The following ESPNL variants were observed in gnomAD, a reference collection of about 807,000 sequenced individuals.
ESPNL encodes espin-like protein.
In ESPNL, 49 loss-of-function variants were observed where a neutral mutation model predicts 46.8. That is an observed-to-expected ratio of 1.05 (90% CI 0.83 to 1.33). The LOEUF (loss-of-function observed/expected upper bound fraction) is 1.33, where lower values mean the gene tolerates loss of function less well. Ranked by LOEUF, ESPNL falls within the 40% of genes most tolerant of loss-of-function variation. ESPNL has a pLI of 0.00. For synonymous variants in ESPNL, 664 were observed against 662.1 expected, an observed-to-expected ratio of 1.00 and a Z score of -0.04; for missense variants, 1,540 against 1,436.6, an observed-to-expected ratio of 1.07 and a Z score of -1.16.
At chr2:238,126,080 CTGTG>C (rs1384721767) in intron 6 of ESPNL, among the ~76,000 whole-genome samples, 2 of 148,710 alleles carry the variant, frequency 1.3e-5, no homozygotes, top group Non-Finnish European at 3.0e-5. Flanking sequence ...TCATGTGTGT[CTGTG>C]TGTGACTATG....
intron 5 of ESPNL, among the ~76,000 whole-genome samples, chr2:238,120,389 G>T (rs1691959494): frequency 6.6e-6 from 1 of 152,184 alleles, no homozygotes; most frequent in South Asian, 2.1e-4. Flanking sequence ...TGGCACAAGG[G>T]AACAGCCCCG....
chr2:238,107,691 G>C, intron 3 of ESPNL, 100 bp from the exon 4 acceptor site: 2 of 1,228,422 alleles, frequency 1.6e-6, no homozygotes, highest in Non-Finnish European at 2.3e-6. Flanking sequence ...GCCCCGAGAG[G>C]TACAGCCAGA....
intron 4 of ESPNL, among the ~76,000 whole-genome samples, chr2:238,113,158 T>C (rs1691748013): frequency 6.6e-6 from 1 of 152,232 alleles, no homozygotes; most frequent in African/African-American, 2.4e-5. Flanking sequence ...TTTTATCTGA[T>C]ATATGTATAC....
rs761111040 is a variant in ESPNL, at chr2:238,130,285, A to G, written c.1571A>G (p.Gln524Arg). The change falls in exon 9 of 9, where the codon CAG (glutamine) becomes CGG (arginine). Residue 524 changes from glutamine to arginine, a missense_variant. Transcript: ENST00000343063. The part of the protein sequence containing the change: ...IADLQLRRRC[Q>R]EYESELGRLA... ...GACCTGCAGCTTCGGCGCCGCTGTC[A>G]GGAGTATGAGAGTGAGCTGGGCCGG... The G allele has an allele frequency of 2.5e-5, 40 of 1,607,466 alleles. No individual in the cohort carries two copies. Among genetic ancestry groups the G allele is most frequent in the Non-Finnish European group, 3.4e-5 (40 of 1,177,590 alleles).
At chr2:238,119,541 TGG>T in intron 5 of ESPNL, among the ~76,000 whole-genome samples, 1 of 101,470 alleles carries the variant, frequency 9.9e-6, no homozygotes, top group African/African-American at 4.5e-5. Flanking sequence ...AGGAGGTGGA[TGG>T]AGGAGGTGGA....
intron 1 of ESPNL, among the ~76,000 whole-genome samples, chr2:238,101,279 C>T (rs1051533547): frequency 2.1e-3 from 120 of 56,858 alleles, no homozygotes; most frequent in African/African-American, 0.02. Context: ...CTTAGAACGC[C>T]GCCGCCCAGA....
At chr2:238,105,593 G>A (rs550847676) in intron 3 of ESPNL, among the ~76,000 whole-genome samples, 1 of 152,124 alleles carries the variant, frequency 6.6e-6, no homozygotes, top group South Asian at 2.1e-4. Context: ...TGGACAGGAG[G>A]CGGCCGGACA....
At chr2:238,124,671 A>G (rs1472957606) in intron 5 of ESPNL, among the ~76,000 whole-genome samples, 11 of 123,192 alleles carry the variant, frequency 8.9e-5, no homozygotes, top group Admixed American at 3.7e-4. Flanking sequence ...GAGAGTGTAC[A>G]TGTGTGTGTG....
intron 5 of ESPNL, among the ~76,000 whole-genome samples, chr2:238,123,415 A>G (rs1392842501): frequency 2.0e-5 from 3 of 151,756 alleles, no homozygotes; most frequent in Admixed American, 1.3e-4. Context: ...CTGAGCCTCA[A>G]TTTCCCCATC....
intron 1 of ESPNL, 119 bp downstream of exon 1, chr2:238,100,832 T>C: frequency 1.1e-6 from 1 of 876,010 alleles, no homozygotes; most frequent in Non-Finnish European, 1.6e-6. Context: ...GGGCCCTTTG[T>C]TTCTCTTGGG....
In ESPNL at chr2:238,100,414, C is replaced by T. The variant is rs751027867; in HGVS notation, c.-6C>T. 3 of 1,594,284 alleles carry T rather than the reference C, an allele frequency of 1.9e-6. No individual in the cohort carries two copies. In the African/African-American group the frequency reaches 4.1e-5, roughly 22 times the overall value. ...ATGAGTCGCCACTGAGAGCCCGGGC[C>T]AGAGGATGGAGAAGCAGCGGGCACT... On this transcript the variant is annotated 5_prime_UTR_variant, in exon 1 of 9. Transcript: ENST00000343063.
chr2:238,116,843 A>G (rs1574735107), intron 4 of ESPNL, 60 bp from the exon 5 acceptor site: 3 of 1,589,188 alleles, frequency 1.9e-6, no homozygotes, highest in Non-Finnish European at 2.6e-6. Flanking sequence ...GCACAGGGCC[A>G]GTCCCATGGG....
At chr2:238,100,814 A>G (rs900314562) in intron 1 of ESPNL, 101 bp downstream of exon 1, 18 of 1,051,634 alleles carry the variant, frequency 1.7e-5, no homozygotes, top group African/African-American at 8.4e-5. Context: ...CCCGGGCTCC[A>G]TGGCCCTGGG....
intron 4 of ESPNL, among the ~76,000 whole-genome samples, chr2:238,115,107 GGA>G (rs1691788828): frequency 6.6e-6 from 1 of 152,214 alleles, no homozygotes; most frequent in Non-Finnish European, 1.5e-5. Context: ...TGGCGGTTCT[GGA>G]GCTGATCTTG....
chr2:238,116,834 C>T, intron 4 of ESPNL, 69 bp from the exon 5 acceptor site: 1 of 1,567,034 alleles, frequency 6.4e-7, no homozygotes, highest in Non-Finnish European at 8.7e-7. Flanking sequence ...GAGCGGCCCG[C>T]ACAGGGCCAG....
At chr2:238,118,842 A>T (rs1197572205) in intron 5 of ESPNL, among the ~76,000 whole-genome samples, 55 of 99,878 alleles carry the variant, frequency 5.5e-4, no homozygotes, top group African/African-American at 9.1e-4. Context: ...GGAGGGTGGA[A>T]GGAAGAGGGT....
At position 238,127,604 on chromosome 2, in the gene ESPNL, C is replaced by T; in HGVS notation, c.1103-18C>T. 1.4e-5 allele frequency: 22 copies of T among 1,584,614 alleles called. No individual in the cohort carries two copies. The highest frequency in any genetic ancestry group is 1.8e-5 in the Non-Finnish European group (21 of 1,165,440). On this transcript the variant is annotated intron_variant, in intron 6 of 8. Transcript: ENST00000343063. ...CCAGCCCTTGCCCTTTCTGCAACAC[C>T]CTTCTTCTTCTTGGCAGCCATGTCC...
chr2:238,127,624 A>G lies in ESPNL; in HGVS notation c.1105A>G (p.Met369Val), dbSNP rs1692169343. ...AACACCCTTCTTCTTCTTGGCAGCCATGTCCCTCAGCCCGGCCTGGCCTGG... is the reference window on the plus strand; with the variant it reads ...AACACCCTTCTTCTTCTTGGCAGCCGTGTCCCTCAGCCCGGCCTGGCCTGG... ...GGPGPGNPSP[M>V]SLSPAWPGHP... The change falls in exon 7 of 9, where the codon ATG becomes GTG. Residue 369 changes from methionine (M) to valine (V), a missense_variant and splice_region_variant. Physicochemically the swap from Met to Val is conservative, Grantham distance 21. Coordinates refer to ENST00000343063, the MANE Select transcript of ESPNL (RefSeq NM_194312.4). The G allele has an allele frequency of 1.2e-6, 2 of 1,604,226 alleles. No individual in the cohort carries two copies. Among genetic ancestry groups the G allele is most frequent in the African/African-American group, 1.3e-5 (1 of 74,690 alleles).
In ESPNL at chr2:238,100,463, T is replaced by C. The variant is rs1252522524; in HGVS notation, c.44T>C (p.Val15Ala). The C allele has an allele frequency of 1.2e-6, 2 of 1,605,248 alleles. No homozygotes were observed. Among genetic ancestry groups the C allele is most frequent in the Admixed American group, 1.7e-5 (1 of 59,016 alleles). ...CTCGTGGCCGCCAAGGATGGGGATG[T>C]GGCGACGTTGGAGCGGCTGCTGGAG... ...RALVAAKDGD[V>A]ATLERLLEAG... is the part of the protein sequence containing the mutation. Residue 15 changes from valine (V) to alanine (A), a missense_variant, in exon 1 of 9, where the codon GTG becomes GCG. Physicochemically the swap from Val to Ala is moderately conservative, Grantham distance 64. Transcript: ENST00000343063.
Sources: gnomAD v4.1 joint callset for allele counts (sites outside exome capture counted in the v4.1 genomes callset) on GRCh38, gnomAD v4.1.1 for gene constraint, MANE v1.5 for transcripts, NCBI Gene and HGNC (gene_info 2026-07-23, HGNC 2026-07-21) for gene names.